Variants in ALK observed in about 807,000 individuals in gnomAD.
The protein encoded by ALK is ALK receptor tyrosine kinase, also known as ALK tyrosine kinase receptor.
ALK carries 74 observed loss-of-function variants against 163.1 expected under a neutral mutation model. The observed-to-expected ratio is 0.45, with a 90% CI of 0.38 to 0.55. The LOEUF (loss-of-function observed/expected upper bound fraction) is 0.55, where lower values mean the gene tolerates loss of function less well. ALK is among the 20% of genes least tolerant of loss of function. The probability of loss-of-function intolerance (pLI) is 0.00; values close to 1 mark genes in which losing one functional copy is unlikely to be tolerated. For missense variants in ALK, 2,063 were observed against 2,105.3 expected (o/e 0.98, Z 0.39); for synonymous variants, 960 against 843.2 (o/e 1.14, Z -2.40).
intron 1 of ALK, among the ~76,000 whole-genome samples, chr2:29,849,318 C>A (rs1225458255): frequency 6.6e-6 from 1 of 152,222 alleles, no homozygotes; most frequent in African/African-American, 2.4e-5. Flanking sequence ...TGTCCCCTGA[C>A]TAACTGTATA....
At chr2:29,836,394 G>A (rs1286386474) in intron 1 of ALK, among the ~76,000 whole-genome samples, 2 of 152,076 alleles carry the variant, frequency 1.3e-5, no homozygotes, top group East Asian at 1.9e-4. Flanking sequence ...GTCACTTAGA[G>A]ACCCAGGCTG....
At position 29,313,360 on chromosome 2, in the gene ALK, A is replaced by T. The variant is rs570763088; in HGVS notation, c.1647+4944T>A. On this transcript the variant is annotated intron_variant, in intron 8 of 28. Transcript: ENST00000389048. The stretch of plus-strand genomic sequence containing the variant: ...GAGGCCCACCCAATGAACAAACTCC[A>T]TTTGAGTCCTGTAGGTGAGTGGCAG... Among the ~76,000 whole-genome samples the T allele has an allele frequency of 3.3e-5, 5 of 152,284 alleles. No individual in the cohort carries two copies. The South Asian group carries it at 1.0e-3, about 32-fold the overall frequency.
At chr2:29,860,285 T>C (rs185489652) in intron 1 of ALK, among the ~76,000 whole-genome samples, 1 of 151,686 alleles carries the variant, frequency 6.6e-6, no homozygotes, top group Non-Finnish European at 1.5e-5. Flanking sequence ...TCCTACCATA[T>C]GGCAACTGCC....
intron 5 of ALK, among the ~76,000 whole-genome samples, chr2:29,378,579 G>GT (rs1485348234): frequency 6.6e-6 from 1 of 152,160 alleles, no homozygotes; most frequent in Admixed American, 6.5e-5. Flanking sequence ...TAGCATTGTT[G>GT]TAAGGATTGA....
At position 29,296,948 on chromosome 2, in the gene ALK, G is replaced by A. The variant is rs1046338903; in HGVS notation, c.1757C>T (p.Ala586Val). The change falls in exon 9 of 29, where the codon GCC (alanine) becomes GTC (valine). Residue 586 changes from alanine to valine, a missense_variant. This residue lies in a region of ALK where 987 missense variants were observed against 939.5 expected (regional missense o/e 1.05). Coordinates refer to ENST00000389048, the MANE Select transcript of ALK (RefSeq NM_004304.5). ...CTGCCACAGGCTCAAGCCTTCATAGGCGGCGACATGCCAGACCATCCTGCC... is the reference window on the plus strand; with the variant it reads ...CTGCCACAGGCTCAAGCCTTCATAGACGGCGACATGCCAGACCATCCTGCC... ...EQGRMVWHVA[A>V]YEGLSLWQWM... 1 of 1,614,190 alleles carries A rather than the reference G, an allele frequency of 6.2e-7. No individual in the cohort carries two copies. The highest frequency in any genetic ancestry group is 8.5e-7 in the Non-Finnish European group (1 of 1,180,032).
At chr2:29,279,324 C>A (rs191875997) in intron 9 of ALK, among the ~76,000 whole-genome samples, 2 of 152,326 alleles carry the variant, frequency 1.3e-5, no homozygotes, top group African/African-American at 4.8e-5. Flanking sequence ...GGCAGTGCTG[C>A]CTCTGTCCAC....
At chr2:29,395,828 C>T (rs993528609) in intron 4 of ALK, among the ~76,000 whole-genome samples, 4 of 152,194 alleles carry the variant, frequency 2.6e-5, no homozygotes, top group African/African-American at 9.6e-5. Flanking sequence ...TGGGGTCCCC[C>T]TTCTGTCTAT....
At position 29,858,387 on chromosome 2, in the gene ALK, C is replaced by T. The variant is rs139665651; in HGVS notation, c.667+61606G>A. Among the ~76,000 whole-genome samples the T allele has an allele frequency of 3.2e-3, 483 of 152,134 alleles. 2 individuals carry two copies. The highest frequency in any genetic ancestry group is 4.9e-3 in the Non-Finnish European group (332 of 67,978). ...TGATAACTGAGACACAAAAGTGGAA[C>T]CACCCCCCTCTCGCACAGCATCTCC... On this transcript the variant is annotated intron_variant, in intron 1 of 28. Coordinates refer to ENST00000389048, the MANE Select transcript of ALK (RefSeq NM_004304.5).
rs901368133 is a variant in ALK, at chr2:29,758,358, G to A, written c.668-40661C>T. Among the ~76,000 whole-genome samples the A allele has an allele frequency of 3.3e-5, 5 of 152,118 alleles. No homozygotes were observed. The East Asian group carries it at 9.7e-4, about 29-fold the overall frequency. On this transcript the variant is annotated intron_variant, in intron 1 of 28. Transcript: ENST00000389048. The stretch of plus-strand genomic sequence containing the variant: ...CCATCAGGTAGAGGAACAGCTGCCT[G>A]CTGGCCTTGGTGTTAGGACTCACTT...
chr2:29,428,723 C>T (rs1011036802), intron 4 of ALK, among the ~76,000 whole-genome samples: 4 of 151,928 alleles, frequency 2.6e-5, no homozygotes, highest in African/African-American at 9.7e-5. Flanking sequence ...CTCTTTCAAA[C>T]AATAGAAGAA....
intron 4 of ALK, among the ~76,000 whole-genome samples, chr2:29,432,333 C>T (rs181136752): frequency 1.1e-4 from 17 of 152,184 alleles, no homozygotes; most frequent in Non-Finnish European, 2.5e-4. Flanking sequence ...GAGCCTGGCA[C>T]CATCTTCCCA....
rs1410159912 is a variant in ALK, at chr2:29,920,099, G to T, written c.561C>A (p.Ile187=). The T allele has an allele frequency of 2.5e-6, 4 of 1,614,164 alleles. No homozygotes were observed. Among genetic ancestry groups the T allele is most frequent in the Non-Finnish European group, 3.4e-6 (4 of 1,180,054 alleles). Residue 187 remains isoleucine (I), a synonymous_variant, in exon 1 of 29, where the codon ATC becomes ATA. Coordinates refer to ENST00000389048, the MANE Select transcript of ALK (RefSeq NM_004304.5). Reference sequence around the variant, plus strand: ...ACGCCTTCTTCTCGGGCATCAGGCGGATCCTCAGTCGCCCTTCGCCTTGGC... The same window carrying T: ...ACGCCTTCTTCTCGGGCATCAGGCGTATCCTCAGTCGCCCTTCGCCTTGGC... ...WIRQGEGRLR[I]RLMPEKKASE...
intron 1 of ALK, among the ~76,000 whole-genome samples, chr2:29,741,664 C>G (rs551915814): frequency 5.3e-5 from 8 of 152,298 alleles, no homozygotes; most frequent in African/African-American, 1.7e-4. Flanking sequence ...CAATGAGAAG[C>G]TGACAGCAAC....
At chr2:29,454,515 CCA>C (rs1670901061) in intron 4 of ALK, among the ~76,000 whole-genome samples, 1 of 151,974 alleles carries the variant, frequency 6.6e-6, no homozygotes, top group Admixed American at 6.6e-5. Context: ...AATGCAGAAC[CCA>C]CAGACACGAA....
chr2:29,225,376 C>T (rs535087278), intron 19 of ALK, 85 bp downstream of exon 19: 1 of 1,248,788 alleles, frequency 8.0e-7, no homozygotes, highest in Non-Finnish European at 1.1e-6. Flanking sequence ...CGAAGTGACA[C>T]CTTGGCACCT....
intron 1 of ALK, among the ~76,000 whole-genome samples, chr2:29,813,843 T>C (rs1664820880): frequency 2.0e-5 from 3 of 152,236 alleles, no homozygotes; most frequent in Non-Finnish European, 4.4e-5. Context: ...CTGGGAAAGA[T>C]CCTTCTATCA....
intron 3 of ALK, among the ~76,000 whole-genome samples, chr2:29,559,687 A>G (rs945041736): frequency 1.4e-4 from 17 of 123,860 alleles, no homozygotes; most frequent in Admixed American, 3.2e-4. Context: ...AGGCAAATGA[A>G]TAAATCATAA....
At chr2:29,414,596 C>T (rs1573333139) in intron 4 of ALK, among the ~76,000 whole-genome samples, 2 of 152,162 alleles carry the variant, frequency 1.3e-5, no homozygotes, top group Admixed American at 6.5e-5. Flanking sequence ...CTTGCATTAG[C>T]GGCTTCAAGA....
At chr2:29,464,658 G>C (rs1671164376) in intron 4 of ALK, among the ~76,000 whole-genome samples, 2 of 152,156 alleles carry the variant, frequency 1.3e-5, no homozygotes, top group Middle Eastern at 3.4e-3. Context: ...CTCAACAGGG[G>C]CCCGTTTTTT....
Sources: gnomAD v4.1 joint callset for allele counts (sites outside exome capture counted in the v4.1 genomes callset) on GRCh38, gnomAD v4.1.1 for gene constraint, gnomAD v4.1.1 regional missense constraint, MANE v1.5 for transcripts, NCBI Gene and HGNC (gene_info 2026-07-23, HGNC 2026-07-21) for gene names.